Variants in SYNDIG1L observed in about 807,000 individuals in gnomAD.
The protein encoded by SYNDIG1L is synapse differentiation inducing 1 like.
In SYNDIG1L, 13 loss-of-function variants were observed where a neutral mutation model predicts 20.1. That is an observed-to-expected ratio of 0.65 (90% CI 0.42 to 1.03). The LOEUF is 1.03. Among genes scored for constraint, SYNDIG1L ranks in the 50% least tolerant of loss-of-function variants. The pLI is 0.00. For missense variants in SYNDIG1L, 294 were observed against 305.1 expected, an observed-to-expected ratio of 0.96 and a Z score of 0.27; for synonymous variants, 128 against 129.3, an observed-to-expected ratio of 0.99 and a Z score of 0.07.
At chr14:74,434,917 TA>T in the SYNDIG1L span, among the ~76,000 whole-genome samples, 47 of 130,622 alleles carry the variant, frequency 3.6e-4, no homozygotes, top group Non-Finnish European at 3.2e-4. Flanking sequence ...CCATCTCTAC[TA>T]AAAAAAAAAA....
chr14:74,454,543 T>G, the SYNDIG1L span, among the ~76,000 whole-genome samples: 1 of 152,236 alleles, frequency 6.6e-6, no homozygotes, highest in African/African-American at 2.4e-5. Flanking sequence ...TTATTCATTA[T>G]AGGCACAATG....
chr14:74,443,449 A>G, the SYNDIG1L span, among the ~76,000 whole-genome samples: 1 of 152,182 alleles, frequency 6.6e-6, no homozygotes, highest in Non-Finnish European at 1.5e-5. Flanking sequence ...GGATTCAGTG[A>G]GACTGAGAGG....
At chr14:74,421,283 G>A (rs2086219383) in intron 1 of SYNDIG1L, among the ~76,000 whole-genome samples, 1 of 152,098 alleles carries the variant, frequency 6.6e-6, no homozygotes, top group Non-Finnish European at 1.5e-5. Flanking sequence ...AATAGACTAG[G>A]CATAGATAAA....
the SYNDIG1L span, among the ~76,000 whole-genome samples, chr14:74,448,801 T>G: frequency 2.0e-5 from 3 of 151,428 alleles, no homozygotes; most frequent in Non-Finnish European, 4.4e-5. Context: ...GATCCAGGAG[T>G]CAAAAACAGA....
At chr14:74,429,274 G>A (rs893565679), upstream of SYNDIG1L, among the ~76,000 whole-genome samples, 6 of 152,202 alleles carry the variant, frequency 3.9e-5, no homozygotes, top group Non-Finnish European at 8.8e-5. Context: ...CCTGGGAGGG[G>A]ATGCCCTCGT....
the SYNDIG1L span, among the ~76,000 whole-genome samples, chr14:74,473,681 C>G: frequency 6.6e-6 from 1 of 152,190 alleles, no homozygotes; most frequent in Non-Finnish European, 1.5e-5. Context: ...AAGGCAAGGA[C>G]CATGCCCTAC....
the SYNDIG1L span, among the ~76,000 whole-genome samples, chr14:74,473,499 C>T: frequency 1.3e-5 from 2 of 152,130 alleles, no homozygotes; most frequent in Non-Finnish European, 2.9e-5. Context: ...CATTTCCAGC[C>T]ACTTTCTAAG....
chr14:74,465,565 C>T, the SYNDIG1L span, among the ~76,000 whole-genome samples: 61,723 of 152,000 alleles, frequency 0.41, 12,736 homozygotes, highest in South Asian at 0.46. Flanking sequence ...AGCAGAGAGA[C>T]AGAAGTATCC....
chr14:74,431,245 G>A, the SYNDIG1L span, among the ~76,000 whole-genome samples: 1 of 152,150 alleles, frequency 6.6e-6, no homozygotes, highest in South Asian at 2.1e-4. Flanking sequence ...GCGTGTGTGT[G>A]TGTGTATATG....
At chr14:74,429,486 C>T (rs971576686), upstream of SYNDIG1L, among the ~76,000 whole-genome samples, 2 of 152,224 alleles carry the variant, frequency 1.3e-5, no homozygotes, top group South Asian at 2.1e-4. Flanking sequence ...TGTAAATCAG[C>T]ACCAAGCATA....
chr14:74,415,528 T>C (rs1020001745), intron 1 of SYNDIG1L, among the ~76,000 whole-genome samples: 5 of 152,268 alleles, frequency 3.3e-5, no homozygotes, highest in Non-Finnish European at 5.9e-5. Flanking sequence ...CTATGAGGAA[T>C]ATGAAATAAT....
At chr14:74,434,350 T>C in the SYNDIG1L span, among the ~76,000 whole-genome samples, 13 of 152,096 alleles carry the variant, frequency 8.5e-5, 1 homozygote, top group East Asian at 1.5e-3. Context: ...AGTGGTGGGA[T>C]TGGGGAGTGA....
chr14:74,441,159 G>C, the SYNDIG1L span, among the ~76,000 whole-genome samples: 1 of 152,220 alleles, frequency 6.6e-6, no homozygotes, highest in Non-Finnish European at 1.5e-5. Flanking sequence ...AAATTTGCTT[G>C]TCGGATAGCC....
chr14:74,440,047 A>T, the SYNDIG1L span, among the ~76,000 whole-genome samples: 1 of 151,942 alleles, frequency 6.6e-6, no homozygotes, highest in Non-Finnish European at 1.5e-5. Context: ...ACAATAGGAG[A>T]TTACACATAG....
At chr14:74,478,150 CCT>C in the SYNDIG1L span, among the ~76,000 whole-genome samples, 3 of 152,190 alleles carry the variant, frequency 2.0e-5, no homozygotes, top group East Asian at 1.9e-4. Context: ...CATTATCACT[CCT>C]TACAGGAGCT....
the SYNDIG1L span, among the ~76,000 whole-genome samples, chr14:74,443,025 T>C: frequency 6.6e-6 from 1 of 152,146 alleles, no homozygotes; most frequent in Non-Finnish European, 1.5e-5. Flanking sequence ...GGCAGCTAGA[T>C]TGTGGGTTTG....
the SYNDIG1L span, among the ~76,000 whole-genome samples, chr14:74,447,051 G>A: frequency 6.6e-6 from 1 of 151,996 alleles, no homozygotes; most frequent in Non-Finnish European, 1.5e-5. Context: ...GACTAGCATG[G>A]GCAACATATT....
the SYNDIG1L span, chr14:74,472,083 T>C: frequency 6.6e-6 from 1 of 152,204 alleles, no homozygotes; most frequent in Non-Finnish European, 1.5e-5. Flanking sequence ...ATCTTTTGTA[T>C]CCCTGGCATA....
At chr14:74,467,258 C>T in the SYNDIG1L span, among the ~76,000 whole-genome samples, 6 of 152,142 alleles carry the variant, frequency 3.9e-5, no homozygotes, top group South Asian at 2.1e-4. Flanking sequence ...TGAGCCACTG[C>T]GCCCAGCCTA....
Sources: allele counts gnomAD v4.1 joint callset (sites outside exome capture counted in the v4.1 genomes callset), GRCh38; gene constraint gnomAD v4.1.1; transcripts MANE v1.5; gene names NCBI Gene and HGNC (gene_info 2026-07-23, HGNC 2026-07-21).